Variants in DPP6 observed in about 807,000 individuals in gnomAD.
DPP6 encodes the protein A-type potassium channel modulatory protein DPP6.
In DPP6, 69 loss-of-function variants were observed where a neutral mutation model predicts 122.6. The ratio of observed to expected loss-of-function variants is 0.56; its 90% CI spans 0.46 to 0.69. The LOEUF (loss-of-function observed/expected upper bound fraction) is 0.69. Ranked by LOEUF, DPP6 falls within the 30% of genes least tolerant of loss-of-function variation. The pLI, the probability that DPP6 is intolerant of heterozygous loss-of-function variation, is 0.00. For missense variants in DPP6, 928 were observed against 1,116.9 expected, an observed-to-expected ratio of 0.83 and a Z score of 2.41; for synonymous variants, 418 against 433.1, an observed-to-expected ratio of 0.97 and a Z score of 0.43.
At chr7:153,896,288 T>C (rs1211713984) in intron 1 of DPP6, among the ~76,000 whole-genome samples, 2 of 150,330 alleles carry the variant, frequency 1.3e-5, no homozygotes, top group Non-Finnish European at 2.9e-5. Flanking sequence ...GTCTCATACG[T>C]TTCATTACAT....
intron 1 of DPP6, among the ~76,000 whole-genome samples, chr7:154,060,340 C>T (rs1420054151): frequency 8.9e-6 from 1 of 112,196 alleles, no homozygotes; most frequent in Non-Finnish European, 1.9e-5. Flanking sequence ...GGGGGAGGCA[C>T]CCCCCGCGAG....
chr7:154,037,288 A>G lies in DPP6; in HGVS notation c.51+149554A>G, dbSNP rs188110924. 7.1e-3 allele frequency among the ~76,000 whole-genome samples: 1,083 copies of G among 151,558 alleles called. 14 individuals carry two copies. The highest frequency in any genetic ancestry group is 0.025 in the African/African-American group (1,028 of 40,878). On this transcript the variant is annotated intron_variant, in intron 1 of 25. Transcript: ENST00000404039. ...TATATTCTATGAATTTACTTTCCCC[A>G]TTGGTATTCCGAAGTGTTCACTGAA...
At chr7:154,566,410 T>C (rs1463381869) in intron 4 of DPP6, among the ~76,000 whole-genome samples, 1 of 152,150 alleles carries the variant, frequency 6.6e-6, no homozygotes, top group Non-Finnish European at 1.5e-5. Flanking sequence ...GCCTCCCAAG[T>C]ATCTGGGTCT....
chr7:153,829,992 C>G, the DPP6 span, among the ~76,000 whole-genome samples: 1 of 152,306 alleles, frequency 6.6e-6, no homozygotes, highest in South Asian at 2.1e-4. Context: ...GAGATTTCAT[C>G]GGAGAAGCTA....
chr7:154,214,593 G>C lies in DPP6; in HGVS notation c.243+161530G>C, dbSNP rs573176366. On this transcript the variant is annotated intron_variant, in intron 1 of 25. Coordinates refer to ENST00000377770, the MANE Select transcript of DPP6 (RefSeq NM_130797.4). The stretch of plus-strand genomic sequence containing the variant: ...CAAATTGCTTAAACACTCCAAGTTT[G>C]TGTTTCCTTATCAGTAAACTAGGGA... 1.1e-4 allele frequency among the ~76,000 whole-genome samples: 16 copies of C among 152,318 alleles called. No homozygotes were observed. The East Asian group carries it at 2.5e-3, about 24-fold the overall frequency.
intron 10 of DPP6, 101 bp from the exon 11 acceptor site, chr7:154,793,971 TCCGGCCC>T (rs1437066147): frequency 4.8e-6 from 7 of 1,472,600 alleles, no homozygotes; most frequent in African/African-American, 2.8e-5. Flanking sequence ...CACCACTGGC[TCCGGCCC>T]CCGGCTCCCG....
chr7:154,437,095 C>A (rs1818937284), intron 1 of DPP6, among the ~76,000 whole-genome samples: 1 of 152,154 alleles, frequency 6.6e-6, no homozygotes, highest in African/African-American at 2.4e-5. Context: ...TTCCCTGGTA[C>A]CTGTGACTAT....
chr7:154,635,366 G>T (rs920846290), intron 5 of DPP6, among the ~76,000 whole-genome samples: 12 of 151,772 alleles, frequency 7.9e-5, no homozygotes, highest in Non-Finnish European at 1.6e-4. Context: ...GAGTGCTTCA[G>T]TCTGTGAGTG....
chr7:154,711,909 G>T (rs1292454949), intron 7 of DPP6, among the ~76,000 whole-genome samples: 1 of 150,678 alleles, frequency 6.6e-6, no homozygotes, highest in Non-Finnish European at 1.5e-5. Context: ...ATTGGTTTAA[G>T]AAATATTAAG....
chr7:154,880,416 G>T (rs1204379540), intron 20 of DPP6, among the ~76,000 whole-genome samples: 1 of 152,252 alleles, frequency 6.6e-6, no homozygotes, highest in East Asian at 1.9e-4. Flanking sequence ...GGAACAGAAG[G>T]CTGTGCAGGT....
chr7:154,440,250 T>C (rs556564014), intron 1 of DPP6, among the ~76,000 whole-genome samples: 1 of 152,316 alleles, frequency 6.6e-6, no homozygotes, highest in East Asian at 1.9e-4. Context: ...AAAGGGCTGC[T>C]CAGCTGCCCA....
chr7:154,124,870 A>C (rs1221165113), intron 1 of DPP6, among the ~76,000 whole-genome samples: 1 of 152,200 alleles, frequency 6.6e-6, no homozygotes, highest in Non-Finnish European at 1.5e-5. Flanking sequence ...ACTCGAAATA[A>C]AATGTGGGAG....
chr7:153,971,795 C>T (rs1030764099), intron 1 of DPP6, among the ~76,000 whole-genome samples: 1 of 143,214 alleles, frequency 7.0e-6, no homozygotes, highest in Non-Finnish European at 1.5e-5. Flanking sequence ...CTGTGAAGCA[C>T]CTCCTCTCCA....
chr7:154,087,955 C>A (rs1046786642), intron 1 of DPP6, among the ~76,000 whole-genome samples: 2 of 152,222 alleles, frequency 1.3e-5, no homozygotes, highest in Admixed American at 1.3e-4. Context: ...CGGGTGTTCA[C>A]TGAATGCACA....
intron 1 of DPP6, among the ~76,000 whole-genome samples, chr7:153,991,739 T>A (rs1452761601): frequency 6.6e-6 from 1 of 152,080 alleles, no homozygotes; most frequent in Admixed American, 6.6e-5. Flanking sequence ...ATGTGCTGAG[T>A]CCACACACTG....
chr7:154,798,563 T>G (rs1359756679), intron 12 of DPP6, among the ~76,000 whole-genome samples: 1 of 152,248 alleles, frequency 6.6e-6, no homozygotes, highest in Non-Finnish European at 1.5e-5. Flanking sequence ...AACATAAGGT[T>G]CTGTGACAGG....
chr7:153,858,402 T>A, the DPP6 span, among the ~76,000 whole-genome samples: 2 of 152,230 alleles, frequency 1.3e-5, no homozygotes, highest in Admixed American at 1.3e-4. Flanking sequence ...AGTAACGGTG[T>A]AAACACTTGT....
intron 1 of DPP6, among the ~76,000 whole-genome samples, chr7:154,353,721 G>A (rs764547920): frequency 2.4e-4 from 36 of 152,230 alleles, no homozygotes; most frequent in Middle Eastern, 3.4e-3. Context: ...CATGGAAGAC[G>A]ACTCTGACAC....
rs1815679136 is a variant in DPP6 at position 154,402,208 on chromosome 7, G to A, written c.244-44006G>A. ...AGTGTGGCGATTCCTCAGGGATCTAGAACTAGAAATACCATTTGACCCAGC... is the reference window on the plus strand; with the variant it reads ...AGTGTGGCGATTCCTCAGGGATCTAAAACTAGAAATACCATTTGACCCAGC... On this transcript the variant is annotated intron_variant, in intron 1 of 25. Transcript: ENST00000377770. Among the ~76,000 whole-genome samples the A allele has an allele frequency of 2.6e-5, 4 of 151,676 alleles. No individual in the cohort carries two copies. In the South Asian group the frequency reaches 8.4e-4, roughly 32 times the overall value.
Sources: allele counts gnomAD v4.1 joint callset (sites outside exome capture counted in the v4.1 genomes callset), GRCh38; gene constraint gnomAD v4.1.1; transcripts MANE v1.5; gene names NCBI Gene and HGNC (gene_info 2026-07-23, HGNC 2026-07-21).